Variants in ZEB2 observed in about 807,000 individuals in gnomAD.
ZEB2 encodes the protein zinc finger E-box-binding homeobox 2.
ZEB2 carries 6 observed loss-of-function variants against 99.9 expected under a neutral mutation model. The observed-to-expected ratio is 0.06, with a 90% confidence interval of 0.03 to 0.12. The LOEUF (loss-of-function observed/expected upper bound fraction) is 0.12. Among genes scored for constraint, ZEB2 ranks in the 10% least tolerant of loss-of-function variants. The probability of loss-of-function intolerance (pLI) is 1.00; values close to 1 mark genes in which losing one functional copy is unlikely to be tolerated. For synonymous variants in ZEB2, 517 were observed against 542.5 expected, an observed-to-expected ratio of 0.95 and a Z score of 0.65; for missense variants, 969 against 1,502.8, an observed-to-expected ratio of 0.64 and a Z score of 5.87.
Position 144,389,793 on chromosome 2 carries a change from C to T in ZEB2, c.3303G>A (p.Leu1101=). The T allele has an allele frequency of 6.2e-7, 1 of 1,610,972 alleles. No homozygotes were observed. Among genetic ancestry groups the T allele is most frequent in the Non-Finnish European group, 8.5e-7 (1 of 1,177,916 alleles). The stretch of plus-strand genomic sequence containing the variant: ...GGTTCATCAGCAGCTCGGTGGGTTC[C>T]AAGTGCCCTTTCTCGCGCGCCTCGC... The part of the protein sequence containing the change: ...AEREAREKGH[L]EPTELLMNRA... The change falls in exon 10 of 10, where the codon TTG becomes TTA. Residue 1101 remains leucine, a synonymous_variant. Coordinates refer to ENST00000627532, the MANE Select transcript of ZEB2 (RefSeq NM_014795.4). This position sits in a 1 kb window ranked among gnomAD's most constrained non-coding sequence, Gnocchi z 6.8.
intron 6 of ZEB2, among the ~76,000 whole-genome samples, chr2:144,402,581 T>C (rs373347590): frequency 7.9e-5 from 12 of 152,354 alleles, no homozygotes; most frequent in African/African-American, 2.6e-4. Flanking sequence ...CATTTTAATT[T>C]ACTAATTGTA....
At chr2:144,418,897 CA>C (rs1177674757) in intron 4 of ZEB2, among the ~76,000 whole-genome samples, 5 of 151,852 alleles carry the variant, frequency 3.3e-5, no homozygotes, top group Non-Finnish European at 7.4e-5. Context: ...ATGGGTGCGC[CA>C]AAACCTCAGA....
At chr2:144,422,839 C>A (rs1427565131) in intron 4 of ZEB2, among the ~76,000 whole-genome samples, 1 of 152,084 alleles carries the variant, frequency 6.6e-6, no homozygotes, top group Non-Finnish European at 1.5e-5. Flanking sequence ...CAACAAAAAA[C>A]TAAATAATTA....
chr2:144,513,982 C>G, intron 2 of ZEB2: 1 of 1,087,330 alleles, frequency 9.2e-7, no homozygotes, highest in African/African-American at 1.6e-5. Context: ...CTCCTTCCCC[C>G]TCACCCCACT....
chr2:144,447,584 T>A (rs921243529), intron 2 of ZEB2, among the ~76,000 whole-genome samples: 20 of 152,314 alleles, frequency 1.3e-4, no homozygotes, highest in Non-Finnish European at 2.5e-4. Context: ...TCTCCCAACT[T>A]ATCTTCAATT....
intron 2 of ZEB2, among the ~76,000 whole-genome samples, chr2:144,437,069 T>C (rs1255230361): frequency 2.0e-5 from 3 of 152,210 alleles, no homozygotes; most frequent in African/African-American, 7.2e-5. Context: ...TATTGATGTT[T>C]CAAACATACA....
At chr2:144,425,139 T>C (rs1460367066) in intron 3 of ZEB2, among the ~76,000 whole-genome samples, 1 of 152,236 alleles carries the variant, frequency 6.6e-6, no homozygotes, top group African/African-American at 2.4e-5. Context: ...GTGGCAGTTC[T>C]AGTGACAAAT....
chr2:144,431,589 C>T (rs892594790), intron 2 of ZEB2, among the ~76,000 whole-genome samples: 17 of 151,700 alleles, frequency 1.1e-4, no homozygotes, highest in South Asian at 4.2e-4. Context: ...TACCAATTGA[C>T]GGGGGAAACA....
chr2:144,389,768 G>T lies in ZEB2; in HGVS notation c.3328C>A (p.Arg1110=), dbSNP rs1703130403. 1 of 1,608,604 alleles carries T rather than the reference G, an allele frequency of 6.2e-7. No individual in the cohort carries two copies. The stretch of plus-strand genomic sequence containing the variant: ...GGGGTAATGCTCTGCAAGTAAGCCC[G>T]GTTCATCAGCAGCTCGGTGGGTTCC... ...HLEPTELLMN[R]AYLQSITPQG... is the part of the protein sequence containing the mutation. Residue 1110 remains arginine (R), a synonymous_variant, in exon 10 of 10, where the codon CGG becomes AGG. Coordinates refer to ENST00000627532, the MANE Select transcript of ZEB2 (RefSeq NM_014795.4). This position sits in a 1 kb window ranked among gnomAD's most constrained non-coding sequence, Gnocchi z 6.8.
intron 3 of ZEB2, chr2:144,428,174 T>C (rs1703714548): frequency 6.6e-6 from 1 of 152,206 alleles, no homozygotes. Context: ...ATTTAAAGCA[T>C]CAGAACATTC....
intron 2 of ZEB2, among the ~76,000 whole-genome samples, chr2:144,489,434 T>TG (rs1249428708): frequency 5.9e-5 from 9 of 152,208 alleles, no homozygotes; most frequent in African/African-American, 2.2e-4. Context: ...AGGCAACTAG[T>TG]GGGAGACTGC....
chr2:144,447,536 T>C (rs1704001950), intron 2 of ZEB2, among the ~76,000 whole-genome samples: 1 of 152,194 alleles, frequency 6.6e-6, no homozygotes, highest in South Asian at 2.1e-4. Flanking sequence ...AGGAGAATTT[T>C]TGACTAGAAA....
Position 144,429,908 on chromosome 2 carries a change from A to G in ZEB2, c.192T>C (p.Ser64=). 6.2e-7 allele frequency: 1 copy of G among 1,613,852 alleles called. No homozygotes were observed. The highest frequency in any genetic ancestry group is 8.5e-7 in the Non-Finnish European group (1 of 1,179,878). Residue 64 remains serine (S), a synonymous_variant, in exon 3 of 10, where the codon AGT becomes AGC. Coordinates refer to ENST00000627532, the MANE Select transcript of ZEB2 (RefSeq NM_014795.4). ...GTGGGGAGGACTCATGGTTGGGCAC[A>G]CTAGCTGGACTCGTCTCCTGGTCCA... ...NPLDQETSPA[S]VPNHESSPHV... is the part of the protein sequence containing the mutation.
intron 2 of ZEB2, among the ~76,000 whole-genome samples, chr2:144,486,415 T>C (rs559775763): frequency 1.3e-5 from 2 of 152,052 alleles, no homozygotes; most frequent in African/African-American, 4.8e-5. Context: ...TTAACTGTAT[T>C]TTCATAAAAT....
intron 2 of ZEB2, among the ~76,000 whole-genome samples, chr2:144,492,708 C>G (rs1704698292): frequency 6.6e-6 from 1 of 152,078 alleles, no homozygotes; most frequent in Non-Finnish European, 1.5e-5. Flanking sequence ...AAAACAAAAA[C>G]AAAAACAAAA....
At chr2:144,424,939 G>A (rs1044355590) in intron 3 of ZEB2, 72 bp from the exon 4 acceptor site, 66 of 1,489,256 alleles carry the variant, frequency 4.4e-5, no homozygotes, top group Non-Finnish European at 5.7e-5. Flanking sequence ...GCCAAGCACA[G>A]GAACAAGGAA....
chr2:144,428,032 A>C (rs373469441), intron 3 of ZEB2: 1 of 152,196 alleles, frequency 6.6e-6, no homozygotes, highest in African/African-American at 2.4e-5. Context: ...TCAACTATTG[A>C]TATTAAATTT....
intron 2 of ZEB2, among the ~76,000 whole-genome samples, chr2:144,515,729 T>C (rs1705123113): frequency 6.7e-6 from 1 of 150,128 alleles, no homozygotes; most frequent in Non-Finnish European, 1.5e-5. Flanking sequence ...CCCATATGGC[T>C]CGACACCTCC....
intron 2 of ZEB2, among the ~76,000 whole-genome samples, chr2:144,442,206 T>C (rs1703927098): frequency 6.6e-6 from 1 of 152,190 alleles, no homozygotes; most frequent in Non-Finnish European, 1.5e-5. Context: ...TCTCAATTTA[T>C]TATGGTGGAA....
Sources: allele counts gnomAD v4.1 joint callset (sites outside exome capture counted in the v4.1 genomes callset), GRCh38; gene constraint gnomAD v4.1.1; non-coding constraint Gnocchi (gnomAD v3.1); transcripts MANE v1.5; gene names NCBI Gene and HGNC (gene_info 2026-07-23, HGNC 2026-07-21).